SVIL: variants seen among roughly 807,000 people sequenced by gnomAD.
SVIL encodes the protein supervillin.
SVIL carries 101 observed loss-of-function variants against 240.4 expected under a neutral mutation model. That is an observed-to-expected ratio of 0.42 (90% CI 0.36 to 0.50). The LOEUF is 0.50. SVIL is among the 20% of genes least tolerant of loss of function. SVIL has a pLI of 0.01. For synonymous variants in SVIL, 999 were observed against 1,100.0 expected, an observed-to-expected ratio of 0.91 and a Z score of 1.82; for missense variants, 2,512 against 2,818.7, an observed-to-expected ratio of 0.89 and a Z score of 2.46.
In SVIL at chr10:29,694,161, G is replaced by A. The variant is rs146620631; in HGVS notation, c.-399-7510C>T. Among the ~76,000 whole-genome samples the A allele has an allele frequency of 8.8e-3, 1,321 of 150,532 alleles. 6 individuals are homozygous for A. Among genetic ancestry groups the A allele is most frequent in the Middle Eastern group, 0.031 (9 of 292 alleles). ...TGGCAGGGTAGTGCTTTGGGAAGCC[G>A]AGGCCGGAGGATTGCTTGAGGTTAG... On this transcript the variant is annotated intron_variant, in intron 1 of 35. Coordinates refer to the SVIL transcript ENST00000375400.
intron 2 of SVIL, among the ~76,000 whole-genome samples, chr10:29,680,031 T>A (rs1014408250): frequency 1.3e-4 from 19 of 151,874 alleles, no homozygotes; most frequent in African/African-American, 4.6e-4. Flanking sequence ...AATAAAAAAT[T>A]AAAAATTACC....
At chr10:29,699,490 G>A (rs1962339887) in intron 1 of SVIL, among the ~76,000 whole-genome samples, 1 of 152,130 alleles carries the variant, frequency 6.6e-6, no homozygotes. Context: ...TTTTAGTAGA[G>A]ATGGGGTTTC....
At chr10:29,634,131 T>C (rs1958218607) in intron 1 of SVIL, among the ~76,000 whole-genome samples, 2 of 152,022 alleles carry the variant, frequency 1.3e-5, no homozygotes, top group Admixed American at 1.3e-4. Context: ...AGACAGAATG[T>C]ACTAAGTTAT....
intron 1 of SVIL, among the ~76,000 whole-genome samples, chr10:29,722,436 C>T (rs185105852): frequency 6.6e-6 from 1 of 152,056 alleles, no homozygotes; most frequent in East Asian, 1.9e-4. Flanking sequence ...AACTTTCTTC[C>T]AAAAAGCTAG....
At chr10:29,542,755 C>G (rs1286191598) in intron 6 of SVIL, among the ~76,000 whole-genome samples, 1 of 152,174 alleles carries the variant, frequency 6.6e-6, no homozygotes, top group Non-Finnish European at 1.5e-5. Flanking sequence ...CAAAGCAGGT[C>G]TTATTCATTT....
chr10:29,608,230 G>A (rs1052700206), intron 1 of SVIL, among the ~76,000 whole-genome samples: 1 of 152,246 alleles, frequency 6.6e-6, no homozygotes, highest in African/African-American at 2.4e-5. Context: ...CGTCAAGGCA[G>A]TGGAAGTGGG....
At chr10:29,715,233 A>T (rs927699416) in intron 1 of SVIL, among the ~76,000 whole-genome samples, 8 of 152,150 alleles carry the variant, frequency 5.3e-5, no homozygotes, top group Non-Finnish European at 8.8e-5. Context: ...TGAATTCTAG[A>T]ATGCTTTATA....
chr10:29,730,628 T>G (rs1023527167), intron 1 of SVIL, among the ~76,000 whole-genome samples: 1 of 152,186 alleles, frequency 6.6e-6, no homozygotes, highest in Admixed American at 6.5e-5. Context: ...CATGAATGTG[T>G]AAATGGAGGC....
At chr10:29,584,754 C>T (rs933044599) in intron 1 of SVIL, among the ~76,000 whole-genome samples, 20 of 152,282 alleles carry the variant, frequency 1.3e-4, no homozygotes, top group Middle Eastern at 3.4e-3. Context: ...CCAGGGCATT[C>T]TGAGGTGGGA....
rs201905860 is a variant in SVIL, at chr10:29,486,580, T to G, written c.4486-23A>C. ...GGCCTAAAAAAGAGAGGAACACAAT[T>G]GCCTGGGTAGAAAAGCCCTTGGCTA... On this transcript the variant is annotated intron_variant, in intron 24 of 37. Coordinates refer to ENST00000355867, the MANE Select transcript of SVIL (RefSeq NM_021738.3). 3.7e-6 allele frequency: 6 copies of G among 1,613,970 alleles called. No homozygotes were observed. In the East Asian group the frequency reaches 1.1e-4, roughly 30 times the overall value.
chr10:29,608,998 A>C (rs4749469), intron 1 of SVIL, among the ~76,000 whole-genome samples: 46,545 of 151,998 alleles, frequency 0.31, 7,278 homozygotes, highest in East Asian at 0.34. Context: ...ATCAGCATGC[A>C]CTTCCTCCCT....
At chr10:29,475,798 A>G (rs1475126585) in intron 29 of SVIL, among the ~76,000 whole-genome samples, 1 of 152,206 alleles carries the variant, frequency 6.6e-6, no homozygotes, top group African/African-American at 2.4e-5. Flanking sequence ...GAATGAGAAT[A>G]ACTGGAGTCT....
chr10:29,721,689 A>T (rs1963990994), intron 1 of SVIL, among the ~76,000 whole-genome samples: 1 of 152,250 alleles, frequency 6.6e-6, no homozygotes, highest in Non-Finnish European at 1.5e-5. Context: ...CACCTTAATA[A>T]TAGCTATGCA....
intron 1 of SVIL, among the ~76,000 whole-genome samples, chr10:29,611,007 T>C (rs1049209513): frequency 6.6e-6 from 1 of 152,144 alleles, no homozygotes; most frequent in African/African-American, 2.4e-5. Flanking sequence ...TACTTCATAA[T>C]TACCATGGAT....
At chr10:29,681,688 T>A (rs1392699759) in intron 2 of SVIL, among the ~76,000 whole-genome samples, 1 of 152,140 alleles carries the variant, frequency 6.6e-6, no homozygotes, top group Non-Finnish European at 1.5e-5. Context: ...AAGTAAAACA[T>A]TCCCTCTGGG....
intron 1 of SVIL, among the ~76,000 whole-genome samples, chr10:29,689,845 C>A (rs757716701): frequency 7.2e-5 from 11 of 152,208 alleles, no homozygotes; most frequent in Non-Finnish European, 1.6e-4. Context: ...ATGTCCACTG[C>A]AGAGCAACAC....
At chr10:29,641,434 G>A (rs1406609807) in intron 3 of SVIL, among the ~76,000 whole-genome samples, 1 of 152,032 alleles carries the variant, frequency 6.6e-6, no homozygotes, top group Non-Finnish European at 1.5e-5. Flanking sequence ...GCGGCATGGT[G>A]GTGCGAGCCT....
intron 30 of SVIL, 48 bp downstream of exon 30, chr10:29,473,790 G>C (rs1188938625): frequency 6.2e-7 from 1 of 1,611,722 alleles, no homozygotes; most frequent in Non-Finnish European, 8.5e-7. Flanking sequence ...GCTCCCAGGA[G>C]AGGATGCTCC....
chr10:29,612,049 G>A (rs529839027), intron 1 of SVIL, among the ~76,000 whole-genome samples: 2 of 152,198 alleles, frequency 1.3e-5, no homozygotes, highest in African/African-American at 2.4e-5. Flanking sequence ...GCCCTAGGGG[G>A]TAGCTCAGAT....
Sources: allele counts gnomAD v4.1 joint callset (sites outside exome capture counted in the v4.1 genomes callset), GRCh38; gene constraint gnomAD v4.1.1; transcripts MANE v1.5; gene names NCBI Gene and HGNC (gene_info 2026-07-23, HGNC 2026-07-21).